Variants in MAP3K20 observed in about 807,000 individuals in gnomAD.
MAP3K20 encodes HCCS-4.
Under a neutral mutation model 85.7 loss-of-function variants are expected in MAP3K20, and 40 were observed. That is an observed-to-expected ratio of 0.47 (90% CI 0.36 to 0.61). The LOEUF (loss-of-function observed/expected upper bound fraction) is 0.61. MAP3K20 is among the 20% of genes least tolerant of loss of function. The probability of loss-of-function intolerance (pLI) is 0.00; values close to 1 mark genes in which losing one functional copy is unlikely to be tolerated. For synonymous variants in MAP3K20, 325 were observed against 327.7 expected (o/e 0.99, Z 0.09); for missense variants, 817 against 961.7 (o/e 0.85, Z 1.99).
chr2:173,079,012 T>A (rs1294084871), intron 1 of MAP3K20, among the ~76,000 whole-genome samples: 2 of 152,150 alleles, frequency 1.3e-5, no homozygotes, highest in African/African-American at 4.8e-5. Context: ...ATAAGTACAG[T>A]CATGTGTCCA....
At chr2:173,105,652 C>T (rs1303358780) in intron 2 of MAP3K20, among the ~76,000 whole-genome samples, 1 of 152,020 alleles carries the variant, frequency 6.6e-6, no homozygotes, top group Non-Finnish European at 1.5e-5. Context: ...AAAAATAGGC[C>T]TAACACAAAA....
intron 3 of MAP3K20, among the ~76,000 whole-genome samples, chr2:173,181,473 T>G (rs1318273188): frequency 1.3e-5 from 2 of 152,168 alleles, no homozygotes; most frequent in Non-Finnish European, 2.9e-5. Context: ...GGAAAACAGA[T>G]TGATAGTTTC....
rs538895604 is a variant in MAP3K20, at chr2:173,211,465, G to C, written c.851+1630G>C. On this transcript the variant is annotated intron_variant, in intron 10 of 19. Coordinates refer to ENST00000375213, the MANE Select transcript of MAP3K20 (RefSeq NM_016653.3). The stretch of plus-strand genomic sequence containing the variant: ...TTATCCCATTTCAGCTGTGTACCAC[G>C]CCTGCCGTCACACCCCACCTTAACT... 4 of 152,292 alleles carry C rather than the reference G, an allele frequency of 2.6e-5. No individual in the cohort carries two copies. In the East Asian group the frequency reaches 7.7e-4, roughly 29 times the overall value. The allele number at this position is 152,292 out of a possible 1,614,324, so 9.4% of individuals were successfully genotyped here. A position where few individuals can be genotyped will look rare whatever the true frequency, so the allele number is the denominator to read the frequency against.
intron 1 of MAP3K20, among the ~76,000 whole-genome samples, chr2:173,088,752 T>C (rs1302948385): frequency 1.3e-5 from 2 of 152,258 alleles, no homozygotes; most frequent in Non-Finnish European, 2.9e-5. Flanking sequence ...TTGCATACTC[T>C]ATATACCTAC....
At chr2:173,125,823 C>T (rs150447347) in intron 2 of MAP3K20, among the ~76,000 whole-genome samples, 3,298 of 152,082 alleles carry the variant, frequency 0.022, 58 homozygotes, top group Admixed American at 0.043. Context: ...CCACCACGCC[C>T]GGCTAATTTT....
At chr2:173,264,681 G>C (rs6759020) in intron 19 of MAP3K20, among the ~76,000 whole-genome samples, 19,696 of 151,890 alleles carry the variant, frequency 0.13, 1,355 homozygotes, top group Middle Eastern at 0.17. Flanking sequence ...GGGGGATGGA[G>C]ACTGAGCAAA....
chr2:173,087,382 G>A (rs1198669381), intron 1 of MAP3K20, among the ~76,000 whole-genome samples: 1 of 152,140 alleles, frequency 6.6e-6, no homozygotes, highest in African/African-American at 2.4e-5. Flanking sequence ...AGAGGTCAGT[G>A]TATATTGGGA....
intron 9 of MAP3K20, among the ~76,000 whole-genome samples, chr2:173,207,241 C>G (rs1270843923): frequency 6.6e-6 from 1 of 152,162 alleles, no homozygotes; most frequent in Non-Finnish European, 1.5e-5. Context: ...GTCTGTAATC[C>G]TAGCACTTTG....
At chr2:173,195,935 AAATTTT>A (rs760722388) in intron 7 of MAP3K20, among the ~76,000 whole-genome samples, 12 of 152,148 alleles carry the variant, frequency 7.9e-5, no homozygotes, top group Non-Finnish European at 1.0e-4. Context: ...AATATAACTT[AAATTTT>A]ATTAGATTTT....
intron 4 of MAP3K20, among the ~76,000 whole-genome samples, chr2:173,185,007 C>T (rs746611009): frequency 8.6e-5 from 13 of 151,984 alleles, no homozygotes; most frequent in Non-Finnish European, 8.8e-5. Flanking sequence ...TTTGGGAAGC[C>T]GAGGAAGGTG....
chr2:173,119,875 C>G (rs1688230538), intron 2 of MAP3K20, among the ~76,000 whole-genome samples: 1 of 152,138 alleles, frequency 6.6e-6, no homozygotes, highest in Admixed American at 6.5e-5. Flanking sequence ...TTACAGTACA[C>G]TGAATATTCT....
chr2:173,192,508 T>C (rs920767663), intron 7 of MAP3K20, among the ~76,000 whole-genome samples: 1 of 152,146 alleles, frequency 6.6e-6, no homozygotes, highest in African/African-American at 2.4e-5. Context: ...ATACCTGATA[T>C]CCAAAAAAAG....
intron 15 of MAP3K20, 62 bp downstream of exon 15, chr2:173,238,497 T>A (rs1294133043): frequency 1.4e-6 from 2 of 1,462,146 alleles, no homozygotes; most frequent in Admixed American, 1.9e-5. Flanking sequence ...ACCTGCTGCA[T>A]CCACACCTAA....
At chr2:173,131,070 T>A (rs961227265) in intron 2 of MAP3K20, among the ~76,000 whole-genome samples, 2 of 152,182 alleles carry the variant, frequency 1.3e-5, no homozygotes, top group Non-Finnish European at 2.9e-5. Context: ...TCTGCCTCGA[T>A]AAAAACCCTT....
intron 1 of MAP3K20, among the ~76,000 whole-genome samples, chr2:173,082,752 G>A (rs917630323): frequency 7.9e-5 from 12 of 152,306 alleles, no homozygotes; most frequent in African/African-American, 2.9e-4. Flanking sequence ...TCCTCATGCT[G>A]CAAGAAGCTC....
intron 4 of MAP3K20, 34 bp downstream of exon 4, chr2:173,182,989 T>G (rs758036389): frequency 2.0e-5 from 30 of 1,531,930 alleles, no homozygotes; most frequent in Non-Finnish European, 2.4e-5. Context: ...ATAGAATTAG[T>G]GGGGTGCATT....
intron 10 of MAP3K20, chr2:173,215,869 T>C (rs1684057360): frequency 6.6e-6 from 1 of 152,224 alleles, no homozygotes; most frequent in Non-Finnish European, 1.5e-5. Context: ...TGGTTACATA[T>C]ATTCATTAAC....
intron 2 of MAP3K20, among the ~76,000 whole-genome samples, chr2:173,097,329 C>G (rs1312591148): frequency 1.3e-5 from 2 of 152,168 alleles, no homozygotes; most frequent in Non-Finnish European, 2.9e-5. Context: ...GCACTCCAGC[C>G]TGGGCTACAG....
chr2:173,183,055 T>A, intron 4 of MAP3K20, 100 bp downstream of exon 4: 1 of 956,238 alleles, frequency 1.0e-6, no homozygotes, highest in South Asian at 1.7e-5. Flanking sequence ...TGTCTTTAGA[T>A]GTTCTTTTTC....
Sources: gnomAD v4.1 joint callset for allele counts (sites outside exome capture counted in the v4.1 genomes callset) on GRCh38, gnomAD v4.1.1 for gene constraint, MANE v1.5 for transcripts, NCBI Gene and HGNC (gene_info 2026-07-23, HGNC 2026-07-21) for gene names.